The following LGSN variants were observed in gnomAD, a reference collection of about 807,000 sequenced individuals.
LGSN encodes lengsin, lens protein with glutamine synthetase domain.
LGSN carries 21 observed loss-of-function variants against 19.5 expected under a neutral mutation model. The ratio of observed to expected loss-of-function variants is 1.07; its 90% confidence interval spans 0.76 to 1.55. The LOEUF (loss-of-function observed/expected upper bound fraction) is 1.55, where lower values mean the gene tolerates loss of function less well. Ranked by LOEUF, LGSN falls within the 40% of genes most tolerant of loss-of-function variation. The pLI, the probability that LGSN is intolerant of heterozygous loss-of-function variation, is 0.00. For missense variants in LGSN, 673 were observed against 608.5 expected, an observed-to-expected ratio of 1.11 and a Z score of -1.12; for synonymous variants, 257 against 215.6, an observed-to-expected ratio of 1.19 and a Z score of -1.68.
At chr6:63,477,500 T>C in the LGSN span, among the ~76,000 whole-genome samples, 4 of 152,008 alleles carry the variant, frequency 2.6e-5, no homozygotes, top group East Asian at 7.7e-4. Context: ...CCAAATCAGA[T>C]CGTTTATTGA....
intron 1 of LGSN, among the ~76,000 whole-genome samples, chr6:63,316,943 A>C (rs1445777992): frequency 1.3e-5 from 2 of 152,080 alleles, no homozygotes; most frequent in Non-Finnish European, 2.9e-5. Flanking sequence ...CTACCCTTTA[A>C]AAAAATTATG....
the LGSN span, among the ~76,000 whole-genome samples, chr6:63,547,470 G>A: frequency 7.9e-3 from 1,158 of 147,364 alleles, 8 homozygotes; most frequent in African/African-American, 0.027. Flanking sequence ...GATTACAGGC[G>A]TCTGCCACCT....
the LGSN span, among the ~76,000 whole-genome samples, chr6:63,336,099 G>C: frequency 1.3e-5 from 2 of 152,092 alleles, no homozygotes; most frequent in Non-Finnish European, 2.9e-5. Flanking sequence ...AAGAGAAGTG[G>C]GTTAATGGAT....
At chr6:63,431,861 T>C in the LGSN span, among the ~76,000 whole-genome samples, 1 of 150,914 alleles carries the variant, frequency 6.6e-6, no homozygotes, top group Non-Finnish European at 1.5e-5. Context: ...GAGGTCAGGA[T>C]TTCAAGACCA....
At chr6:63,455,110 A>G in the LGSN span, among the ~76,000 whole-genome samples, 1 of 152,096 alleles carries the variant, frequency 6.6e-6, no homozygotes, top group African/African-American at 2.4e-5. Context: ...TACATTTTCT[A>G]TAAGGAAGTT....
the LGSN span, chr6:63,573,517 C>A: frequency 6.6e-6 from 1 of 152,348 alleles, no homozygotes; most frequent in East Asian, 1.9e-4. Context: ...GCGCAGCGGG[C>A]GTGCTCGGGC....
the LGSN span, among the ~76,000 whole-genome samples, chr6:63,418,453 T>C: frequency 3.3e-5 from 5 of 152,050 alleles, no homozygotes; most frequent in Non-Finnish European, 5.9e-5. Context: ...CCCAGCTACT[T>C]GGGAGGCTGA....
chr6:63,430,947 G>A, the LGSN span, among the ~76,000 whole-genome samples: 1 of 152,100 alleles, frequency 6.6e-6, no homozygotes. Flanking sequence ...TGTTTAAAAA[G>A]CAACCTGAAT....
At position 63,280,174 on chromosome 6, in the gene LGSN, T is replaced by C; in HGVS notation, c.1377A>G (p.Leu459=). 2.5e-6 allele frequency: 4 copies of C among 1,614,256 alleles called. No homozygotes were observed. The highest frequency in any genetic ancestry group is 2.5e-6 in the Non-Finnish European group (3 of 1,180,046). ...QVEPSEIPLK[L]EDALVALEED... ...CTTCCAGTGCCACAAGGGCATCTTC[T>C]AGTTTTAAAGGGATCTCAGAAGGTT... The change falls in exon 4 of 4, where the codon CTA becomes CTG. Residue 459 remains leucine, a synonymous_variant. Transcript: ENST00000370657.
At chr6:63,539,434 T>C in the LGSN span, among the ~76,000 whole-genome samples, 1 of 152,142 alleles carries the variant, frequency 6.6e-6, no homozygotes, top group African/African-American at 2.4e-5. Context: ...GTTTAATCAT[T>C]ATTCTTTATG....
chr6:63,412,730 A>G, the LGSN span, among the ~76,000 whole-genome samples: 1,813 of 40,168 alleles, frequency 0.045, 23 homozygotes, highest in African/African-American at 0.17. Flanking sequence ...AAAGAAAGAA[A>G]GAAAGAAAGA....
At chr6:63,357,668 T>C in the LGSN span, among the ~76,000 whole-genome samples, 1 of 152,352 alleles carries the variant, frequency 6.6e-6, no homozygotes, top group Admixed American at 6.5e-5. Flanking sequence ...TGCCCACTTG[T>C]TGATGGGGTT....
the LGSN span, among the ~76,000 whole-genome samples, chr6:63,533,810 A>G: frequency 6.6e-5 from 10 of 151,042 alleles, no homozygotes; most frequent in African/African-American, 9.8e-5. Flanking sequence ...AACAAAATAT[A>G]GCAAATTCCT....
chr6:63,308,150 A>C (rs1383750151), intron 1 of LGSN, among the ~76,000 whole-genome samples: 3 of 152,220 alleles, frequency 2.0e-5, no homozygotes, highest in African/African-American at 7.2e-5. Context: ...ATTCATGCTT[A>C]ATTTGGACAA....
At chr6:63,435,780 A>G in the LGSN span, among the ~76,000 whole-genome samples, 7 of 152,080 alleles carry the variant, frequency 4.6e-5, no homozygotes, top group African/African-American at 1.7e-4. Flanking sequence ...AATATTTAAT[A>G]TTGAATTGAA....
chr6:63,491,886 G>T, the LGSN span, among the ~76,000 whole-genome samples: 1 of 152,038 alleles, frequency 6.6e-6, no homozygotes, highest in African/African-American at 2.4e-5. Flanking sequence ...AAAATTAGCC[G>T]GGCGTAGTGG....
At chr6:63,286,182 T>C (rs1476838606) in intron 2 of LGSN, among the ~76,000 whole-genome samples, 1 of 152,234 alleles carries the variant, frequency 6.6e-6, no homozygotes, top group South Asian at 2.1e-4. Flanking sequence ...TAAATTTCTA[T>C]ATGATTAAAA....
the LGSN span, among the ~76,000 whole-genome samples, chr6:63,410,352 G>A: frequency 3.9e-5 from 6 of 152,008 alleles, no homozygotes; most frequent in African/African-American, 9.7e-5. Context: ...TCAAAAGTGG[G>A]ACTCTATAAT....
the LGSN span, among the ~76,000 whole-genome samples, chr6:63,528,646 A>C: frequency 7.9e-5 from 12 of 152,128 alleles, no homozygotes; most frequent in Non-Finnish European, 1.8e-4. Flanking sequence ...CTGTCATCCC[A>C]GCTACTCAGG....
Sources: gnomAD v4.1 joint callset for allele counts (sites outside exome capture counted in the v4.1 genomes callset) on GRCh38, gnomAD v4.1.1 for gene constraint, MANE v1.5 for transcripts, NCBI Gene and HGNC (gene_info 2026-07-23, HGNC 2026-07-21) for gene names.